The following SGCZ variants were observed in gnomAD, a reference collection of about 807,000 sequenced individuals.
SGCZ encodes sarcoglycan zeta.
A neutral mutation model predicts 41.3 loss-of-function variants in SGCZ; 40 were observed. The observed-to-expected ratio is 0.97, with a 90% CI of 0.75 to 1.26. The LOEUF (loss-of-function observed/expected upper bound fraction) is 1.26, where lower values mean the gene tolerates loss of function less well. Ranked by LOEUF, SGCZ falls within the 50% of genes most tolerant of loss-of-function variation. The pLI is 0.00. For synonymous variants in SGCZ, 206 were observed against 137.5 expected, an observed-to-expected ratio of 1.50 and a Z score of -3.49; for missense variants, 552 against 369.8, an observed-to-expected ratio of 1.49 and a Z score of -4.04.
At chr8:14,995,912 CT>C (rs905618496) in intron 1 of SGCZ, among the ~76,000 whole-genome samples, 2 of 151,058 alleles carry the variant, frequency 1.3e-5, no homozygotes, top group South Asian at 2.1e-4. Flanking sequence ...ATTTTCTTTG[CT>C]TTTTTTTTGA....
At chr8:14,261,490 T>C (rs916016749) in intron 3 of SGCZ, among the ~76,000 whole-genome samples, 9 of 152,170 alleles carry the variant, frequency 5.9e-5, no homozygotes, top group South Asian at 2.1e-4. Context: ...AGCTCTACAA[T>C]GAGTTCACTC....
At chr8:14,906,715 G>C (rs1258864609) in intron 1 of SGCZ, among the ~76,000 whole-genome samples, 2 of 152,106 alleles carry the variant, frequency 1.3e-5, no homozygotes, top group Non-Finnish European at 2.9e-5. Context: ...ACAGAACTTG[G>C]CGTGAGGCAC....
rs188123929 is a variant in SGCZ, at chr8:14,521,877, T to A, written c.234+32855A>T. On this transcript the variant is annotated intron_variant, in intron 2 of 7. Coordinates refer to ENST00000382080, the MANE Select transcript of SGCZ (RefSeq NM_139167.4). ...TCATTAAATTTTTCACCATCAAGCA[T>A]AATGCTAGCTGTAAGTTTGCTGTAG... is the stretch of plus-strand genomic sequence containing the variant. 5.3e-4 allele frequency among the ~76,000 whole-genome samples: 80 copies of A among 152,256 alleles called. No individual in the cohort carries two copies. The East Asian group carries it at 9.5e-3, about 18-fold the overall frequency.
At chr8:14,818,821 C>A (rs542719460) in intron 1 of SGCZ, among the ~76,000 whole-genome samples, 2 of 151,712 alleles carry the variant, frequency 1.3e-5, no homozygotes, top group African/African-American at 4.8e-5. Context: ...TTAGATCAAG[C>A]AGAAGATAGA....
intron 2 of SGCZ, among the ~76,000 whole-genome samples, chr8:14,372,788 G>A (rs925188735): frequency 6.6e-6 from 1 of 152,086 alleles, no homozygotes; most frequent in Admixed American, 6.6e-5. Context: ...TGGGAAATGA[G>A]CCAAGAGAGT....
chr8:15,149,289 G>A (rs1442075088), intron 1 of SGCZ, among the ~76,000 whole-genome samples: 2 of 152,118 alleles, frequency 1.3e-5, no homozygotes, highest in African/African-American at 4.8e-5. Context: ...CAAGTAACTG[G>A]TCACCAATTT....
intron 3 of SGCZ, among the ~76,000 whole-genome samples, chr8:14,277,269 A>G: frequency 6.6e-6 from 1 of 152,134 alleles, no homozygotes; most frequent in East Asian, 1.9e-4. Context: ...AAAATGTTCA[A>G]CCATGAAGAG....
At chr8:14,729,004 T>G (rs1810146651) in intron 1 of SGCZ, among the ~76,000 whole-genome samples, 2 of 152,200 alleles carry the variant, frequency 1.3e-5, no homozygotes, top group Non-Finnish European at 2.9e-5. Flanking sequence ...GACCTAGTTT[T>G]AAAATTACTC....
intron 3 of SGCZ, among the ~76,000 whole-genome samples, chr8:14,238,222 CTTGT>C (rs1806838257): frequency 6.6e-6 from 1 of 152,036 alleles, no homozygotes; most frequent in Non-Finnish European, 1.5e-5. Context: ...TTTTTGTTTG[CTTGT>C]TTATTTAATT....
intron 1 of SGCZ, among the ~76,000 whole-genome samples, chr8:15,028,747 T>C (rs1585489183): frequency 6.6e-6 from 1 of 152,022 alleles, no homozygotes; most frequent in East Asian, 1.9e-4. Flanking sequence ...GAGAGATAGG[T>C]TCTTTTATTT....
chr8:14,653,762 C>G (rs1026519053), intron 1 of SGCZ, among the ~76,000 whole-genome samples: 2 of 151,978 alleles, frequency 1.3e-5, no homozygotes, highest in Admixed American at 1.3e-4. Context: ...GCAATACATG[C>G]TAGAAAATCT....
At chr8:14,437,205 A>T (rs149270039) in intron 2 of SGCZ, among the ~76,000 whole-genome samples, 389 of 152,314 alleles carry the variant, frequency 2.6e-3, no homozygotes, top group African/African-American at 8.8e-3. Context: ...ATGATTATGC[A>T]ATGGATCTGG....
intron 3 of SGCZ, among the ~76,000 whole-genome samples, chr8:14,300,534 G>C (rs1801151937): frequency 6.6e-6 from 1 of 151,790 alleles, no homozygotes. Context: ...TTATTTTGTT[G>C]CCTAAAAATT....
intron 1 of SGCZ, among the ~76,000 whole-genome samples, chr8:15,089,957 G>A (rs1237654387): frequency 6.6e-6 from 1 of 152,190 alleles, no homozygotes; most frequent in African/African-American, 2.4e-5. Flanking sequence ...AACATATTGT[G>A]TGAGATAATA....
chr8:14,137,752 C>T (rs960334559), intron 5 of SGCZ, among the ~76,000 whole-genome samples: 2 of 152,168 alleles, frequency 1.3e-5, no homozygotes, highest in African/African-American at 4.8e-5. Flanking sequence ...TTGGAAAACA[C>T]TCTTCAGGAT....
chr8:14,767,725 T>G (rs572271291), intron 1 of SGCZ, among the ~76,000 whole-genome samples: 3 of 152,210 alleles, frequency 2.0e-5, no homozygotes, highest in Non-Finnish European at 2.9e-5. Flanking sequence ...CAGGTGGTCC[T>G]GCCATGACTT....
intron 3 of SGCZ, among the ~76,000 whole-genome samples, chr8:14,268,070 T>G (rs1349888991): frequency 1.6e-5 from 2 of 125,208 alleles, no homozygotes; most frequent in Non-Finnish European, 3.3e-5. Flanking sequence ...GAAATTATGT[T>G]TACTGTTTAT....
At chr8:15,044,206 A>T (rs1406606284) in intron 1 of SGCZ, among the ~76,000 whole-genome samples, 3 of 152,188 alleles carry the variant, frequency 2.0e-5, no homozygotes, top group Non-Finnish European at 4.4e-5. Context: ...CATAGGCTAC[A>T]AAACCTCACA....
At chr8:15,130,112 C>T (rs1359587534) in intron 1 of SGCZ, among the ~76,000 whole-genome samples, 2 of 152,190 alleles carry the variant, frequency 1.3e-5, no homozygotes, top group Middle Eastern at 3.4e-3. Flanking sequence ...ATTTGAGGCC[C>T]TTCTCTATCG....
Sources: allele counts gnomAD v4.1 joint callset (sites outside exome capture counted in the v4.1 genomes callset), GRCh38; gene constraint gnomAD v4.1.1; transcripts MANE v1.5; gene names NCBI Gene and HGNC (gene_info 2026-07-23, HGNC 2026-07-21).